The following C8B variants were observed in gnomAD, a reference collection of about 807,000 sequenced individuals.
The protein encoded by C8B is complement C8 beta chain, also known as complement component C8 beta chain.
Under a neutral mutation model 64.6 loss-of-function variants are expected in C8B, and 67 were observed. That is an observed-to-expected ratio of 1.04 (90% confidence interval 0.85 to 1.27). The LOEUF is 1.27. Among genes scored for constraint, C8B ranks in the 50% most tolerant of loss-of-function variants. C8B has a pLI of 0.00. For missense variants in C8B, 790 were observed against 725.2 expected (o/e 1.09, Z -1.03); for synonymous variants, 284 against 257.7 (o/e 1.10, Z -0.98).
rs550775622 is a variant in C8B, at chr1:56,965,868, C to A, written c.81G>T (p.Leu27Phe). The A allele has an allele frequency of 6.8e-6, 11 of 1,614,092 alleles. No homozygotes were observed. The highest frequency in any genetic ancestry group is 1.7e-4 in the Middle Eastern group (1 of 6,056). ...TAACTGTCACTTACCTGGAGCCAGG[C>A]AAACTGAGACAGCCCAGGGCAGCAC... The part of the protein sequence containing the change: ...LLCAALGCLS[L>F]PGSRGERPHS... Residue 27 changes from leucine (L) to phenylalanine (F), a missense_variant, in exon 1 of 12, where the codon TTG (leucine) becomes TTT (phenylalanine). Leu to Phe is a conservative substitution (Grantham distance 22). Coordinates refer to ENST00000371237, the MANE Select transcript of C8B (RefSeq NM_000066.4).
At chr1:56,955,506 A>G (rs1237121551) in intron 3 of C8B, among the ~76,000 whole-genome samples, 1 of 152,204 alleles carries the variant, frequency 6.6e-6, no homozygotes, top group Non-Finnish European at 1.5e-5. Flanking sequence ...TGGGAGATAA[A>G]GCCCATAAGA....
chr1:56,936,174 G>C (rs1377533933), intron 9 of C8B, among the ~76,000 whole-genome samples: 1 of 152,026 alleles, frequency 6.6e-6, no homozygotes, highest in Non-Finnish European at 1.5e-5. Flanking sequence ...TTCTTGCATT[G>C]GGTGTTGTTG....
At chr1:56,941,606 C>A (rs1250994163) in intron 8 of C8B, among the ~76,000 whole-genome samples, 1 of 152,220 alleles carries the variant, frequency 6.6e-6, no homozygotes, top group East Asian at 1.9e-4. Context: ...GAGAGATAGA[C>A]AGGCTATGAT....
At chr1:56,937,386 GC>G (rs1207871567) in intron 9 of C8B, among the ~76,000 whole-genome samples, 3 of 152,196 alleles carry the variant, frequency 2.0e-5, no homozygotes, top group African/African-American at 7.2e-5. Flanking sequence ...TGAGAAATAA[GC>G]TTTTGTGGTA....
At chr1:56,945,152 A>T (rs1431225432) in intron 7 of C8B, among the ~76,000 whole-genome samples, 1 of 152,218 alleles carries the variant, frequency 6.6e-6, no homozygotes, top group African/African-American at 2.4e-5. Flanking sequence ...CTGAATCAGA[A>T]TCTACCTCTT....
intron 3 of C8B, among the ~76,000 whole-genome samples, chr1:56,955,779 T>A (rs867420779): frequency 6.6e-6 from 1 of 152,210 alleles, no homozygotes; most frequent in South Asian, 2.1e-4. Flanking sequence ...GCTCTAAGAA[T>A]CCCTAACTCT....
chr1:56,961,502 G>A (rs1031400583), intron 1 of C8B, among the ~76,000 whole-genome samples: 16 of 152,182 alleles, frequency 1.1e-4, no homozygotes, highest in Admixed American at 3.9e-4. Flanking sequence ...GATCTGAGCC[G>A]AGGTCTCTTA....
intron 9 of C8B, among the ~76,000 whole-genome samples, chr1:56,938,925 G>A (rs1644811786): frequency 6.6e-6 from 1 of 151,972 alleles, no homozygotes; most frequent in Non-Finnish European, 1.5e-5. Context: ...GGGATGCCCA[G>A]AGTGTATATT....
At chr1:56,935,565 C>A (rs1441351771) in intron 9 of C8B, among the ~76,000 whole-genome samples, 1 of 152,180 alleles carries the variant, frequency 6.6e-6, no homozygotes. Flanking sequence ...CCATACTAAA[C>A]CTTGGTGTTC....
intron 4 of C8B, among the ~76,000 whole-genome samples, chr1:56,953,091 C>T: frequency 6.6e-6 from 1 of 152,168 alleles, no homozygotes; most frequent in East Asian, 1.9e-4. Flanking sequence ...CCCTGCAGCT[C>T]TGTGCAATAG....
chr1:56,938,697 A>G (rs1040442305), intron 9 of C8B, among the ~76,000 whole-genome samples: 1 of 152,170 alleles, frequency 6.6e-6, no homozygotes, highest in Non-Finnish European at 1.5e-5. Context: ...TATAGAAATC[A>G]TGTTTTAGGA....
intron 3 of C8B, 99 bp from the exon 4 acceptor site, chr1:56,954,926 C>A (rs761056914): frequency 6.6e-6 from 9 of 1,368,660 alleles, no homozygotes; most frequent in African/African-American, 1.4e-5. Flanking sequence ...TTTGTCAGGC[C>A]TTGCATGCTG....
intron 8 of C8B, 36 bp downstream of exon 8, chr1:56,943,660 T>C: frequency 6.2e-7 from 1 of 1,613,088 alleles, no homozygotes. Flanking sequence ...AGGATAAACA[T>C]TATAAGTGTG....
intron 1 of C8B, among the ~76,000 whole-genome samples, chr1:56,965,406 T>TGC (rs1645240727): frequency 6.6e-6 from 1 of 151,386 alleles, no homozygotes; most frequent in Non-Finnish European, 1.5e-5. Flanking sequence ...AGAGTGTGTG[T>TGC]GTGTGTGTGT....
At chr1:56,954,654 C>T (rs774674797) in intron 4 of C8B, 32 bp downstream of exon 4, 1 of 1,613,326 alleles carries the variant, frequency 6.2e-7, no homozygotes, top group South Asian at 1.1e-5. Flanking sequence ...GCTGTGCCTT[C>T]CCATCTACGC....
chr1:56,942,427 C>T (rs573016002), intron 8 of C8B, among the ~76,000 whole-genome samples: 4 of 152,304 alleles, frequency 2.6e-5, no homozygotes, highest in Admixed American at 6.5e-5. Context: ...AACAGCCCAG[C>T]GTGGTGGCTC....
intron 6 of C8B, 74 bp downstream of exon 6, chr1:56,949,481 G>A: frequency 7.9e-7 from 1 of 1,271,952 alleles, no homozygotes; most frequent in Non-Finnish European, 1.1e-6. Flanking sequence ...CATCCATTCT[G>A]TGGTGTTTTG....
At chr1:56,937,674 A>C (rs879734424) in intron 9 of C8B, among the ~76,000 whole-genome samples, 1 of 152,056 alleles carries the variant, frequency 6.6e-6, no homozygotes, top group Non-Finnish European at 1.5e-5. Flanking sequence ...AAAACAAATA[A>C]TTTTTTTTAG....
At chr1:56,965,278 C>T (rs367667167) in intron 1 of C8B, among the ~76,000 whole-genome samples, 14 of 152,194 alleles carry the variant, frequency 9.2e-5, no homozygotes, top group African/African-American at 3.4e-4. Context: ...TGAGCTCCCA[C>T]TAGGATATTT....
Sources: allele counts gnomAD v4.1 joint callset (sites outside exome capture counted in the v4.1 genomes callset), GRCh38; gene constraint gnomAD v4.1.1; transcripts MANE v1.5; gene names NCBI Gene and HGNC (gene_info 2026-07-23, HGNC 2026-07-21).